TMPPE: variants seen among roughly 807,000 people sequenced by gnomAD.
TMPPE encodes the protein transmembrane protein with metallophosphoesterase domain.
A neutral mutation model predicts 22.6 loss-of-function variants in TMPPE; 16 were observed. The ratio of observed to expected loss-of-function variants is 0.71; its 90% CI spans 0.48 to 1.08. The LOEUF is 1.08. Ranked by LOEUF, TMPPE falls within the 50% of genes least tolerant of loss-of-function variation. TMPPE has a pLI of 0.00. For missense variants in TMPPE, 526 were observed against 584.3 expected (o/e 0.90, Z 1.03); for synonymous variants, 240 against 245.3 (o/e 0.98, Z 0.20).
In TMPPE at chr3:33,096,921, C is replaced by A. The variant is rs149553048; in HGVS notation, c.-311G>T. Reference sequence around the variant, plus strand: ...TTCGGGGCTCAGGCTCCCCGCCCTGCGGGACCGCGGGTGGCTGCGACCCCA... The same window carrying A: ...TTCGGGGCTCAGGCTCCCCGCCCTGAGGGACCGCGGGTGGCTGCGACCCCA... On this transcript the variant is annotated 5_prime_UTR_variant, in exon 1 of 2. Coordinates refer to ENST00000342462, the MANE Select transcript of TMPPE (RefSeq NM_001039770.3). 3,530 of 1,539,052 alleles carry A rather than the reference C, an allele frequency of 2.3e-3. 42 individuals are homozygous for A. The African/African-American group carries it at 0.03, about 13-fold the overall frequency.
chr3:33,092,585 C>A lies in TMPPE; in HGVS notation c.*249G>T. The A allele has an allele frequency of 2.3e-6, 3 of 1,283,538 alleles. No homozygotes were observed. The highest frequency in any genetic ancestry group is 3.0e-6 in the Non-Finnish European group (3 of 1,014,112). 79.5% of individuals were successfully genotyped at this position (1,283,538 alleles called of 1,614,324 possible). The stretch of plus-strand genomic sequence containing the variant: ...ATCATCTGGAAAATAGAGGGGAGTG[C>A]TAATATATGTGACCTTAGTGATCTC... On this transcript the variant is annotated 3_prime_UTR_variant, in exon 2 of 2. Coordinates refer to ENST00000342462, the MANE Select transcript of TMPPE (RefSeq NM_001039770.3).
chr3:33,094,755 A>T (rs943417062), intron 1 of TMPPE, among the ~76,000 whole-genome samples: 1 of 152,214 alleles, frequency 6.6e-6, no homozygotes, highest in Non-Finnish European at 1.5e-5. Context: ...TAAACATGAA[A>T]ATTTGACTGT....
In TMPPE at chr3:33,090,543, TAAAG is replaced by T. The variant is rs1700708406; in HGVS notation, c.*2287_*2290del. On this transcript the variant is annotated 3_prime_UTR_variant, in exon 2 of 2. Coordinates refer to ENST00000342462, the MANE Select transcript of TMPPE (RefSeq NM_001039770.3). ...CAATTTGCATCTAACAGATTAAAAA[TAAAG>T]AAACAAATGAAATTGAAAGAATGAT... 2.0e-6 allele frequency: 2 copies of T among 985,206 alleles called. No homozygotes were observed. Among genetic ancestry groups the T allele is most frequent in the South Asian group, 4.7e-5 (1 of 21,280 alleles). The allele number at this position is 985,206 out of a possible 1,614,324, so 61.0% of individuals were successfully genotyped here. A position where few individuals can be genotyped will look rare whatever the true frequency, so the allele number is the denominator to read the frequency against.
intron 1 of TMPPE, 62 bp downstream of exon 1, chr3:33,096,657 T>C: frequency 8.9e-7 from 1 of 1,119,706 alleles, no homozygotes; most frequent in South Asian, 2.7e-5. Context: ...GGAGGCACCC[T>C]CTAACCCGCG....
In TMPPE at chr3:33,092,275, G is replaced by A. The variant is rs1038718692; in HGVS notation, c.*559C>T. On this transcript the variant is annotated 3_prime_UTR_variant, in exon 2 of 2. Transcript: ENST00000342462. The stretch of plus-strand genomic sequence containing the variant: ...GATTTTGCTGATGCCCTCAATAGAG[G>A]TGATCCTGATAGAATCAGAGGAAAA... 5.1e-6 allele frequency: 5 copies of A among 986,336 alleles called. No homozygotes were observed. In the African/African-American group the frequency reaches 8.7e-5, roughly 17 times the overall value. 61.1% of individuals were successfully genotyped at this position (986,336 alleles called of 1,614,324 possible).
chr3:33,090,975 A>G lies in TMPPE; in HGVS notation c.*1859T>C, dbSNP rs140014506. ...AAGCTAATTTCATCAAGCCCAGGTCACTGATGAGAAAGATGTAAAATCAAG... is the reference window on the plus strand; with the variant it reads ...AAGCTAATTTCATCAAGCCCAGGTCGCTGATGAGAAAGATGTAAAATCAAG... On this transcript the variant is annotated 3_prime_UTR_variant, in exon 2 of 2. Transcript: ENST00000342462. 1 of 985,372 alleles carries G rather than the reference A, an allele frequency of 1.0e-6. No homozygotes were observed. The highest frequency in any genetic ancestry group is 1.1e-4 in the East Asian group (1 of 8,810). The allele number at this position is 985,372 out of a possible 1,614,324, so 61.0% of individuals were successfully genotyped here.
rs1234836929 is a variant in TMPPE at position 33,092,514 on chromosome 3, G to A, written c.*320C>T. On this transcript the variant is annotated 3_prime_UTR_variant, in exon 2 of 2. Coordinates refer to ENST00000342462, the MANE Select transcript of TMPPE (RefSeq NM_001039770.3). ...GTATGCCTTTCTAGCAACCCCGAGG[G>A]GAGGTTCATCCCTGGGAGCTCTGCA... is the stretch of plus-strand genomic sequence containing the variant. The A allele has an allele frequency of 5.4e-6, 6 of 1,108,204 alleles. No homozygotes were observed. The highest frequency in any genetic ancestry group is 6.6e-6 in the Non-Finnish European group (6 of 907,254). The allele number at this position is 1,108,204 out of a possible 1,614,324, so 68.6% of individuals were successfully genotyped here. A position where few individuals can be genotyped will look rare whatever the true frequency, so the allele number is the denominator to read the frequency against.
Position 33,093,803 on chromosome 3 carries a change from G to A in TMPPE, c.393C>T (p.Phe131=), listed in dbSNP as rs757240313. Reference sequence around the variant, plus strand: ...GCTCCATGCCGCTGAGGATGAAGAGGAAGAAGAGCATGATGATGTAAGCAC... The same window carrying A: ...GCTCCATGCCGCTGAGGATGAAGAGAAAGAAGAGCATGATGATGTAAGCAC... ...CLGAYIIMLF[F]LFILSGMEQA... Residue 131 remains phenylalanine (F), a synonymous_variant, in exon 2 of 2, where the codon TTC becomes TTT. Transcript: ENST00000342462. The surrounding 1 kb of genome is among the most constrained non-coding windows in gnomAD (Gnocchi z 6.0). 5 of 1,613,548 alleles carry A rather than the reference G, an allele frequency of 3.1e-6. No individual in the cohort carries two copies. In the South Asian group the frequency reaches 4.4e-5, roughly 14 times the overall value.
At position 33,093,291 on chromosome 3, in the gene TMPPE, T is replaced by C; in HGVS notation, c.905A>G (p.Asn302Ser). The C allele has an allele frequency of 6.2e-7, 1 of 1,614,164 alleles. No individual in the cohort carries two copies. The highest frequency in any genetic ancestry group is 8.5e-7 in the Non-Finnish European group (1 of 1,180,036). ...LESLHVQPLH[N>S]ENVKISATRA... Reference sequence around the variant, plus strand: ...TGTGGCGGAAATCTTCACGTTCTCATTATGAAGAGGCTGGACATGCAGGGA... The same window carrying C: ...TGTGGCGGAAATCTTCACGTTCTCACTATGAAGAGGCTGGACATGCAGGGA... Residue 302 changes from asparagine (N) to serine (S), a missense_variant, in exon 2 of 2, where the codon AAT (asparagine) becomes AGT (serine). Physicochemically the swap from Asn to Ser is conservative, Grantham distance 46 (BLOSUM62 1). Coordinates refer to ENST00000342462, the MANE Select transcript of TMPPE (RefSeq NM_001039770.3). This position sits in a 1 kb window ranked among gnomAD's most constrained non-coding sequence, Gnocchi z 6.0.
At chr3:33,096,660 AAC>A in intron 1 of TMPPE, 57 bp downstream of exon 1, 2 of 1,121,022 alleles carry the variant, frequency 1.8e-6, no homozygotes, top group Non-Finnish European at 2.2e-6. Flanking sequence ...GGCACCCTCT[AAC>A]CCGCGCAACT....
At position 33,090,644 on chromosome 3, in the gene TMPPE, G is replaced by T. The variant is rs1031547953; in HGVS notation, c.*2190C>A. 1.0e-6 allele frequency: 1 copy of T among 985,460 alleles called. No homozygotes were observed. The highest frequency in any genetic ancestry group is 1.7e-5 in the African/African-American group (1 of 57,368). The allele number at this position is 985,460 out of a possible 1,614,324, so 61.0% of individuals were successfully genotyped here. A position where few individuals can be genotyped will look rare whatever the true frequency, so the allele number is the denominator to read the frequency against. On this transcript the variant is annotated 3_prime_UTR_variant, in exon 2 of 2. Transcript: ENST00000342462. ...ACAAAAAGGTCCATGGTTTAAGAAT[G>T]TTGAACAAAGGGACTAAAGGTGTCA... is the stretch of plus-strand genomic sequence containing the variant.
chr3:33,094,204 C>A lies in TMPPE; in HGVS notation c.-9G>T. 6.3e-7 allele frequency: 1 copy of A among 1,586,550 alleles called. No individual in the cohort carries two copies. The highest frequency in any genetic ancestry group is 1.1e-5 in the South Asian group (1 of 87,008). ...TGCCTGAAGATGGCCATTTTCTCTG[C>A]TCCTAGTAGGCTCCCCCACCAGTTC... On this transcript the variant is annotated 5_prime_UTR_variant, in exon 2 of 2. Coordinates refer to ENST00000342462, the MANE Select transcript of TMPPE (RefSeq NM_001039770.3).
chr3:33,091,490 T>TGG lies in TMPPE; in HGVS notation c.*1342_*1343dup, dbSNP rs1700760193. 1 of 985,514 alleles carries TGG rather than the reference T, an allele frequency of 1.0e-6. No homozygotes were observed. Among genetic ancestry groups the TGG allele is most frequent in the African/African-American group, 1.7e-5 (1 of 57,366 alleles). The allele number at this position is 985,514 out of a possible 1,614,324, so 61.0% of individuals were successfully genotyped here. A position where few individuals can be genotyped will look rare whatever the true frequency, so the allele number is the denominator to read the frequency against. On this transcript the variant is annotated 3_prime_UTR_variant, in exon 2 of 2. Coordinates refer to ENST00000342462, the MANE Select transcript of TMPPE (RefSeq NM_001039770.3). ...AGGACTGGCTGCTCCATGAATCCTC[T>TGG]GGGCACCTGTGCCCAACAGAGTTCC...
chr3:33,092,838 G>A lies in TMPPE; in HGVS notation c.1358C>T (p.Pro453Leu). 1 of 1,598,384 alleles carries A rather than the reference G, an allele frequency of 6.3e-7. No individual in the cohort carries two copies. The highest frequency in any genetic ancestry group is 8.5e-7 in the Non-Finnish European group (1 of 1,171,082). Residue 453 changes from proline to leucine, a missense_variant, in exon 2 of 2, where the codon CCC becomes CTC. Transcript: ENST00000342462. ...EITELILQRSP is the reference protein window; with the variant it reads ...EITELILQRSL The stretch of plus-strand genomic sequence containing the variant: ...GGTGCACAGGGCAGGGCCAGTTCAG[G>A]GAGACCGCTGCAGGATGAGCTCTGT...
Position 33,090,825 on chromosome 3 carries a change from GA to G in TMPPE, c.*2008del. The G allele has an allele frequency of 1.0e-6, 1 of 985,302 alleles. No individual in the cohort carries two copies. Among genetic ancestry groups the G allele is most frequent in the Non-Finnish European group, 1.2e-6 (1 of 829,912 alleles). The allele number at this position is 985,302 out of a possible 1,614,324, so 61.0% of individuals were successfully genotyped here. A position where few individuals can be genotyped will look rare whatever the true frequency, so the allele number is the denominator to read the frequency against. The stretch of plus-strand genomic sequence containing the variant: ...TGGACCTGTTTTCTTTCTGCTAATA[GA>G]AAGCAATCAGTCAAGCAAGGACTTC... On this transcript the variant is annotated 3_prime_UTR_variant, in exon 2 of 2. Transcript: ENST00000342462.
Position 33,096,746 on chromosome 3 carries a change from G to C in TMPPE, c.-136C>G. On this transcript the variant is annotated 5_prime_UTR_variant, in exon 1 of 2. Transcript: ENST00000342462. Reference sequence around the variant, plus strand: ...CGTCTCAACACCTCGTTACAGATGGGGAAGTGGATCCAAGCGCAAAGGGCG... The same window carrying C: ...CGTCTCAACACCTCGTTACAGATGGCGAAGTGGATCCAAGCGCAAAGGGCG... The C allele has an allele frequency of 3.8e-6, 5 of 1,305,370 alleles. No individual in the cohort carries two copies. In the South Asian group the frequency reaches 1.0e-4, roughly 26 times the overall value. The allele number at this position is 1,305,370 out of a possible 1,614,324, so 80.9% of individuals were successfully genotyped here. A position where few individuals can be genotyped will look rare whatever the true frequency, so the allele number is the denominator to read the frequency against.
chr3:33,096,161 A>C (rs2125590083), intron 1 of TMPPE, among the ~76,000 whole-genome samples: 1 of 152,246 alleles, frequency 6.6e-6, no homozygotes, highest in Admixed American at 6.5e-5. Flanking sequence ...GAGGAACCAA[A>C]GTTGGTCCGC....
rs1164894653 is a variant in TMPPE at position 33,091,716 on chromosome 3, T to C, written c.*1118A>G. 1 of 985,346 alleles carries C rather than the reference T, an allele frequency of 1.0e-6. No individual in the cohort carries two copies. The highest frequency in any genetic ancestry group is 1.7e-5 in the African/African-American group (1 of 57,316). 61.0% of individuals were successfully genotyped at this position (985,346 alleles called of 1,614,324 possible). ...AAGTCACCCACCCAACGCTGCCCTA[T>C]GAGTGAGCAGCAGGGTTAGCCTCTC... On this transcript the variant is annotated 3_prime_UTR_variant, in exon 2 of 2. Coordinates refer to ENST00000342462, the MANE Select transcript of TMPPE (RefSeq NM_001039770.3).
chr3:33,096,007 GGTT>G (rs1701009114), intron 1 of TMPPE, among the ~76,000 whole-genome samples: 1 of 152,190 alleles, frequency 6.6e-6, no homozygotes, highest in Non-Finnish European at 1.5e-5. Flanking sequence ...GTTCAATCTT[GGTT>G]GTAGATAAAT....
Sources: gnomAD v4.1 joint callset for allele counts (sites outside exome capture counted in the v4.1 genomes callset) on GRCh38, gnomAD v4.1.1 for gene constraint, Gnocchi (gnomAD v3.1) non-coding constraint, MANE v1.5 for transcripts, NCBI Gene and HGNC (gene_info 2026-07-23, HGNC 2026-07-21) for gene names.